The following DEPTOR variants were observed in gnomAD, a reference collection of about 807,000 sequenced individuals.
DEPTOR encodes the protein DEP domain-containing mTOR-interacting protein.
A neutral mutation model predicts 41.6 loss-of-function variants in DEPTOR; 41 were observed. That is an observed-to-expected ratio of 0.98 (90% CI 0.77 to 1.28). The LOEUF (loss-of-function observed/expected upper bound fraction) is 1.28, where lower values mean the gene tolerates loss of function less well. DEPTOR is among the 50% of genes most tolerant of loss of function. The pLI is 0.00. For missense variants in DEPTOR, 514 were observed against 527.9 expected (o/e 0.97, Z 0.26); for synonymous variants, 195 against 192.3 (o/e 1.01, Z -0.12).
At chr8:119,914,273 C>T (rs1827784155) in intron 1 of DEPTOR, among the ~76,000 whole-genome samples, 1 of 151,436 alleles carries the variant, frequency 6.6e-6, no homozygotes, top group Non-Finnish European at 1.5e-5. Context: ...AACTCCTGAC[C>T]TCAGGTGATC....
chr8:119,885,947 T>C (rs1827358981), intron 1 of DEPTOR, among the ~76,000 whole-genome samples: 2 of 152,192 alleles, frequency 1.3e-5, no homozygotes, highest in African/African-American at 4.8e-5. Flanking sequence ...CTAACTAGTA[T>C]TCACTCTTTG....
intron 8 of DEPTOR, among the ~76,000 whole-genome samples, chr8:120,031,546 C>G (rs1449789546): frequency 6.6e-6 from 1 of 152,056 alleles, no homozygotes; most frequent in Non-Finnish European, 1.5e-5. Context: ...ATGCCCATCC[C>G]TTCCATTTTA....
intron 1 of DEPTOR, among the ~76,000 whole-genome samples, chr8:119,882,571 G>C (rs1227565773): frequency 6.6e-6 from 1 of 151,728 alleles, no homozygotes; most frequent in African/African-American, 2.4e-5. Flanking sequence ...ACCACACCTG[G>C]CTAATTTTTG....
chr8:119,970,439 G>A (rs1204273071), intron 4 of DEPTOR, among the ~76,000 whole-genome samples: 1 of 152,154 alleles, frequency 6.6e-6, no homozygotes, highest in Non-Finnish European at 1.5e-5. Flanking sequence ...TTGTGTCTTA[G>A]AAAGAAGCTT....
intron 4 of DEPTOR, among the ~76,000 whole-genome samples, chr8:119,985,317 CT>C (rs1303667908): frequency 3.3e-5 from 5 of 151,322 alleles, no homozygotes; most frequent in East Asian, 1.9e-4. Flanking sequence ...TGATGATGAG[CT>C]TTTTTTTTCA....
At chr8:119,969,267 C>T (rs1259062400) in intron 4 of DEPTOR, among the ~76,000 whole-genome samples, 1 of 152,004 alleles carries the variant, frequency 6.6e-6, no homozygotes, top group African/African-American at 2.4e-5. Context: ...TACAGTGTAA[C>T]TCTGTAATGC....
chr8:120,015,928 G>A (rs1397878605), intron 8 of DEPTOR, among the ~76,000 whole-genome samples: 1 of 152,166 alleles, frequency 6.6e-6, no homozygotes, highest in African/African-American at 2.4e-5. Flanking sequence ...GGATAGGTGG[G>A]GGCGGCCATG....
intron 1 of DEPTOR, among the ~76,000 whole-genome samples, chr8:119,881,886 T>C (rs1315783377): frequency 1.4e-5 from 2 of 146,520 alleles, no homozygotes; most frequent in Non-Finnish European, 2.9e-5. Flanking sequence ...CTATTTTTAT[T>C]TATTTATTTA....
intron 2 of DEPTOR, 112 bp from the exon 3 acceptor site, chr8:119,929,703 C>A: frequency 1.4e-6 from 2 of 1,388,570 alleles, no homozygotes; most frequent in Non-Finnish European, 2.0e-6. Context: ...TATTTGCATG[C>A]ATGAAGAATG....
intron 3 of DEPTOR, among the ~76,000 whole-genome samples, chr8:119,933,453 GACACACACACACACACAC>G (rs35420959): frequency 0.016 from 2,047 of 124,566 alleles, 58 homozygotes; most frequent in African/African-American, 0.06. Context: ...GACAGAGCAA[GACACACACACACACACAC>G]ACACACACAC....
intron 5 of DEPTOR, among the ~76,000 whole-genome samples, chr8:120,002,493 G>A (rs1019425733): frequency 1.3e-5 from 2 of 151,878 alleles, no homozygotes; most frequent in Non-Finnish European, 2.9e-5. Flanking sequence ...TCACAACTTT[G>A]CAAAGCTATC....
chr8:120,046,511 C>T (rs1813155599), intron 8 of DEPTOR, among the ~76,000 whole-genome samples: 1 of 152,170 alleles, frequency 6.6e-6, no homozygotes, highest in Non-Finnish European at 1.5e-5. Context: ...AGGGCTCACC[C>T]ATGTTGTAGC....
chr8:119,993,247 G>A (rs530085580), intron 4 of DEPTOR, among the ~76,000 whole-genome samples: 107 of 152,222 alleles, frequency 7.0e-4, no homozygotes, highest in African/African-American at 2.4e-3. Context: ...CGGTGTATAG[G>A]GATCTGTTTT....
chr8:119,975,904 G>A (rs1486468897), intron 4 of DEPTOR, among the ~76,000 whole-genome samples: 1 of 104,840 alleles, frequency 9.5e-6, no homozygotes, highest in African/African-American at 3.7e-5. Flanking sequence ...TTTTTGAGAT[G>A]GAGTCTCACT....
intron 4 of DEPTOR, among the ~76,000 whole-genome samples, chr8:119,973,167 G>A (rs184353538): frequency 4.0e-5 from 6 of 151,786 alleles, no homozygotes; most frequent in Middle Eastern, 3.4e-3. Context: ...TCGAACTCCC[G>A]ACCTCAGGTG....
chr8:119,974,235 TA>T (rs35885551), intron 4 of DEPTOR, among the ~76,000 whole-genome samples: 22,397 of 75,078 alleles, frequency 0.3, 3,521 homozygotes, highest in Non-Finnish European at 0.35. Context: ...CTTGTCTCTT[TA>T]AAAAAAAAAA....
chr8:119,984,254 AG>A (rs1230478944), intron 4 of DEPTOR, among the ~76,000 whole-genome samples: 4 of 151,618 alleles, frequency 2.6e-5, no homozygotes, highest in Non-Finnish European at 5.9e-5. Context: ...GGACGCTACT[AG>A]GCCTTTTATT....
chr8:119,951,733 T>C (rs567304990), intron 3 of DEPTOR, among the ~76,000 whole-genome samples: 17 of 152,322 alleles, frequency 1.1e-4, no homozygotes, highest in South Asian at 4.1e-4. Context: ...ACCTAATGTA[T>C]ACCTCCTCCC....
chr8:119,970,174 A>G (rs751395781), intron 4 of DEPTOR, among the ~76,000 whole-genome samples: 3 of 152,212 alleles, frequency 2.0e-5, no homozygotes, highest in South Asian at 4.1e-4. Flanking sequence ...ACATCTATAC[A>G]TATTTGTCTA....
Sources: allele counts gnomAD v4.1 joint callset (sites outside exome capture counted in the v4.1 genomes callset), GRCh38; gene constraint gnomAD v4.1.1; transcripts MANE v1.5; gene names NCBI Gene and HGNC (gene_info 2026-07-23, HGNC 2026-07-21).